JPH3: variants seen among roughly 807,000 people sequenced by gnomAD.
JPH3 encodes junctophilin-3.
JPH3 carries 11 observed loss-of-function variants against 59.6 expected under a neutral mutation model. The ratio of observed to expected loss-of-function variants is 0.18; its 90% CI spans 0.12 to 0.31. JPH3 has a LOEUF of 0.31. Among genes scored for constraint, JPH3 ranks in the 10% least tolerant of loss-of-function variants. JPH3 has a pLI of 1.00. For synonymous variants in JPH3, 673 were observed against 483.6 expected (o/e 1.39, Z -5.14); for missense variants, 1,202 against 1,105.7 (o/e 1.09, Z -1.24).
chr16:87,634,913 C>T (rs1255105011), intron 1 of JPH3, among the ~76,000 whole-genome samples: 2 of 152,232 alleles, frequency 1.3e-5, no homozygotes, highest in Non-Finnish European at 2.9e-5. Context: ...GTTATTTTAC[C>T]TGTCTCTGCC....
At chr16:87,656,477 C>T (rs367779180) in intron 2 of JPH3, among the ~76,000 whole-genome samples, 5 of 152,312 alleles carry the variant, frequency 3.3e-5, no homozygotes, top group South Asian at 2.1e-4. Context: ...ATGTCTGCAA[C>T]GACGGGATCA....
At chr16:87,630,985 C>T (rs1439815219) in intron 1 of JPH3, among the ~76,000 whole-genome samples, 1 of 152,234 alleles carries the variant, frequency 6.6e-6, no homozygotes, top group African/African-American at 2.4e-5. Context: ...GTACACTTCT[C>T]ATGCATAACT....
In JPH3 at chr16:87,690,217, G is replaced by A. The variant is rs2033530586; in HGVS notation, c.1857G>A (p.Leu619=). ...ACCGGATGGAGATGAAACCCTTGCT[G>A]AGGATGGAGACGCATCCCCAGAAAA... The part of the protein sequence containing the change: ...SNYRMEMKPL[L]RMETHPQKRR... Residue 619 remains leucine, a synonymous_variant, in exon 4 of 5, where the codon CTG becomes CTA. Transcript: ENST00000284262. The A allele has an allele frequency of 1.9e-6, 3 of 1,603,914 alleles. No individual in the cohort carries two copies. Among genetic ancestry groups the A allele is most frequent in the African/African-American group, 1.3e-5 (1 of 74,672 alleles).
rs369053691 is a variant in JPH3, at chr16:87,662,846, T to G, written c.1160+17811T>G. On this transcript the variant is annotated intron_variant, in intron 2 of 4. Transcript: ENST00000284262. ...CCAGGGGGCAGCCTGGGACCTGGGA[T>G]GGCCCTCCCTACCTGAAACCTTTCA... 5.3e-4 allele frequency among the ~76,000 whole-genome samples: 80 copies of G among 152,344 alleles called. 1 individual carries two copies. In the South Asian group the frequency reaches 7.0e-3, roughly 13 times the overall value.
chr16:87,675,368 C>T (rs909865259), intron 2 of JPH3, among the ~76,000 whole-genome samples: 1 of 152,146 alleles, frequency 6.6e-6, no homozygotes, highest in African/African-American at 2.4e-5. Context: ...CCAGTGACCC[C>T]GTCCAGACCA....
intron 2 of JPH3, chr16:87,654,422 CG>C (rs2032424839): frequency 6.6e-6 from 1 of 152,236 alleles, no homozygotes; most frequent in Non-Finnish European, 1.5e-5. Context: ...ATTCAGCAGG[CG>C]GTGGGGGAGG....
chr16:87,623,264 C>T (rs2031255446), intron 1 of JPH3, among the ~76,000 whole-genome samples: 2 of 152,356 alleles, frequency 1.3e-5, no homozygotes, highest in African/African-American at 4.8e-5. Flanking sequence ...ACACTCGGAG[C>T]CAGTATCCAT....
intron 1 of JPH3, among the ~76,000 whole-genome samples, chr16:87,635,529 C>T (rs1333716978): frequency 2.6e-5 from 4 of 152,184 alleles, no homozygotes. Context: ...ACCAAGCAGG[C>T]CAGGCGCTGA....
intron 2 of JPH3, among the ~76,000 whole-genome samples, chr16:87,646,909 C>A (rs1277984413): frequency 1.3e-5 from 2 of 152,128 alleles, no homozygotes; most frequent in Non-Finnish European, 1.5e-5. Context: ...GGACCTGCGA[C>A]CTGAGATAGT....
chr16:87,634,858 A>G (rs74042227), intron 1 of JPH3, among the ~76,000 whole-genome samples: 3,832 of 152,326 alleles, frequency 0.025, 162 homozygotes, highest in African/African-American at 0.087. Context: ...GCTTCGGATC[A>G]GCTCAGCGTA....
intron 4 of JPH3, among the ~76,000 whole-genome samples, chr16:87,691,050 C>T (rs1458647025): frequency 6.6e-6 from 1 of 151,930 alleles, no homozygotes; most frequent in East Asian, 1.9e-4. Flanking sequence ...CCACGTGAGG[C>T]CCGCTGTGTG....
At position 87,614,823 on chromosome 16, in the gene JPH3, G is replaced by A. The variant is rs28699982; in HGVS notation, c.382+11295G>A. ...AGGATAAACGCTGGTCCCTGCACAC[G>A]TGAGGAGCTGTGCGTCCCTTCCCGG... On this transcript the variant is annotated intron_variant, in intron 1 of 4. Coordinates refer to ENST00000284262, the MANE Select transcript of JPH3 (RefSeq NM_020655.4). Among the ~76,000 whole-genome samples the A allele has an allele frequency of 2.3e-5, 3 of 131,986 alleles. 1 individual carries two copies. The highest frequency in any genetic ancestry group is 5.8e-5 in the African/African-American group (2 of 34,450). 86.6% of individuals were successfully genotyped at this position (131,986 alleles called of 152,430 possible).
intron 2 of JPH3, among the ~76,000 whole-genome samples, chr16:87,665,411 C>T (rs2150862604): frequency 6.6e-6 from 1 of 152,366 alleles, no homozygotes; most frequent in Middle Eastern, 3.4e-3. Context: ...GACCTGCTGA[C>T]CCCGGACCCC....
chr16:87,642,819 C>T (rs926395819), intron 1 of JPH3, among the ~76,000 whole-genome samples: 3 of 152,258 alleles, frequency 2.0e-5, no homozygotes, highest in Non-Finnish European at 4.4e-5. Flanking sequence ...CCAGAAACTT[C>T]CCTGAGTCAC....
chr16:87,696,033 G>C (rs758765483), intron 4 of JPH3: 8 of 456,198 alleles, frequency 1.8e-5, no homozygotes, highest in South Asian at 1.1e-4. Context: ...GCCAGTTGGC[G>C]TGAGGGGTTT....
intron 1 of JPH3, among the ~76,000 whole-genome samples, chr16:87,642,541 C>G (rs915625928): frequency 1.4e-4 from 21 of 152,254 alleles, no homozygotes; most frequent in Non-Finnish European, 2.6e-4. Context: ...ATCAGTAAGT[C>G]TCGGCCTCCA....
Position 87,698,110 on chromosome 16 carries a change from A to AT in JPH3, c.*1455dup, listed in dbSNP as rs2142864054. The AT allele has an allele frequency of 6.5e-6, 1 of 152,710 alleles. No individual in the cohort carries two copies. Among genetic ancestry groups the AT allele is most frequent in the South Asian group, 2.1e-4 (1 of 4,824 alleles). The allele number at this position is 152,710 out of a possible 1,614,324, so 9.5% of individuals were successfully genotyped here. A position where few individuals can be genotyped will look rare whatever the true frequency, so the allele number is the denominator to read the frequency against. ...TTACTACACTGCACTGGATTGCTAT[A>AT]TTTTTAACCAGAAATAAACTAAAGA... On this transcript the variant is annotated 3_prime_UTR_variant, in exon 5 of 5. Transcript: ENST00000284262.
chr16:87,657,448 G>A (rs4287575), intron 2 of JPH3, among the ~76,000 whole-genome samples: 31,498 of 152,106 alleles, frequency 0.21, 3,690 homozygotes, highest in East Asian at 0.34. Context: ...TGTTGAGGGC[G>A]ACGACAGTAC....
intron 2 of JPH3, among the ~76,000 whole-genome samples, chr16:87,661,222 A>G (rs894266680): frequency 3.3e-5 from 5 of 152,092 alleles, no homozygotes; most frequent in African/African-American, 1.2e-4. Flanking sequence ...TCCCTCTTAC[A>G]AGGACCCTTG....
Sources: allele counts gnomAD v4.1 joint callset (sites outside exome capture counted in the v4.1 genomes callset), GRCh38; gene constraint gnomAD v4.1.1; transcripts MANE v1.5; gene names NCBI Gene and HGNC (gene_info 2026-07-23, HGNC 2026-07-21).